The following CACNA2D4 variants were observed in gnomAD, a reference collection of about 807,000 sequenced individuals.
CACNA2D4 encodes the protein calcium voltage-gated channel auxiliary subunit alpha2delta 4.
Under a neutral mutation model 163.8 loss-of-function variants are expected in CACNA2D4, and 157 were observed. The observed-to-expected ratio is 0.96, with a 90% CI of 0.84 to 1.09. The LOEUF is 1.09. Ranked by LOEUF, CACNA2D4 falls within the 50% of genes least tolerant of loss-of-function variation. CACNA2D4 has a pLI of 0.00. For missense variants in CACNA2D4, 1,410 were observed against 1,479.9 expected (o/e 0.95, Z 0.78); for synonymous variants, 598 against 586.9 (o/e 1.02, Z -0.27).
Position 1,797,504 on chromosome 12 carries a change from C to A in CACNA2D4, c.3027G>T (p.Gln1009His), listed in dbSNP as rs1270410998. The change falls in exon 35 of 38, where the codon CAG becomes CAT. Residue 1009 changes from glutamine to histidine, a missense_variant. By Grantham distance (24) the Gln-to-His change is conservative. Coordinates refer to ENST00000382722, the MANE Select transcript of CACNA2D4 (RefSeq NM_172364.5). ...SHKHKKQDPLQPCDTEYPVFV... is the reference protein window; with the variant it reads ...SHKHKKQDPLHPCDTEYPVFV... ...ACACGGGGTACTCCGTGTCGCAGGG[C>A]TGCAGCGGGTCCTGCTTCTTGTGTT... The A allele has an allele frequency of 1.3e-6, 2 of 1,580,730 alleles. No individual in the cohort carries two copies. Among genetic ancestry groups the A allele is most frequent in the Non-Finnish European group, 1.7e-6 (2 of 1,164,994 alleles).
chr12:1,856,291 A>G, intron 20 of CACNA2D4, 62 bp from the exon 21 acceptor site: 9 of 1,578,778 alleles, frequency 5.7e-6, no homozygotes, highest in Non-Finnish European at 7.8e-6. Flanking sequence ...GTGTGTCTCA[A>G]TTGTAGAAAC....
At chr12:1,910,423 T>C (rs1866784225) in intron 3 of CACNA2D4, among the ~76,000 whole-genome samples, 1 of 151,664 alleles carries the variant, frequency 6.6e-6, no homozygotes. Flanking sequence ...GGAGATTCAT[T>C]GATTATACCC....
intron 7 of CACNA2D4, 142 bp downstream of exon 7, chr12:1,886,867 C>A: frequency 1.6e-6 from 1 of 615,270 alleles, no homozygotes; most frequent in Non-Finnish European, 3.0e-6. Flanking sequence ...TCTTCCTGCT[C>A]TTGTGTCGGG....
Position 1,914,913 on chromosome 12 carries a change from A to C in CACNA2D4, c.250T>G (p.Phe84Val). ...ACAGTGTTATACAGGTCCCCGCCGA[A>C]GGTGTCAGCCCATAGCTTCACTCTG... ...LETVKLWADT[F>V]GGDLYNTVTK... The change falls in exon 2 of 38, where the codon TTC (phenylalanine) becomes GTC (valine). Residue 84 changes from phenylalanine (F) to valine (V), a missense_variant. Physicochemically the swap from Phe to Val is conservative, Grantham distance 50. Transcript: ENST00000382722. The C allele has an allele frequency of 6.2e-7, 1 of 1,613,750 alleles. No homozygotes were observed. The highest frequency in any genetic ancestry group is 1.1e-5 in the South Asian group (1 of 91,078).
In CACNA2D4 at chr12:1,914,842, G is replaced by C. The variant is rs762240683; in HGVS notation, c.309+12C>G. On this transcript the variant is annotated intron_variant, in intron 2 of 37. Coordinates refer to ENST00000382722, the MANE Select transcript of CACNA2D4 (RefSeq NM_172364.5). Reference sequence around the variant, plus strand: ...TGCCACCCGGTGGGCTCTCTGGAAGGGGGTGACTGACCTTCTGCAGCAAGA... The same window carrying C: ...TGCCACCCGGTGGGCTCTCTGGAAGCGGGTGACTGACCTTCTGCAGCAAGA... The C allele has an allele frequency of 6.2e-7, 1 of 1,604,164 alleles. No homozygotes were observed. Among genetic ancestry groups the C allele is most frequent in the Non-Finnish European group, 8.5e-7 (1 of 1,170,940 alleles).
chr12:1,916,523 C>A (rs1248150989), intron 1 of CACNA2D4, among the ~76,000 whole-genome samples: 3 of 151,672 alleles, frequency 2.0e-5, no homozygotes, highest in African/African-American at 7.3e-5. Context: ...AGCGTGAGAT[C>A]TCTGAGCGTC....
chr12:1,900,060 A>G (rs917798690), intron 6 of CACNA2D4, among the ~76,000 whole-genome samples: 3 of 152,224 alleles, frequency 2.0e-5, no homozygotes, highest in Non-Finnish European at 4.4e-5. Flanking sequence ...GAAATGCTCA[A>G]CTTCATGAGT....
chr12:1,868,437 G>T (rs899816392), intron 18 of CACNA2D4, among the ~76,000 whole-genome samples: 1 of 151,628 alleles, frequency 6.6e-6, no homozygotes, highest in Non-Finnish European at 1.5e-5. Flanking sequence ...GAAAAATGGT[G>T]GTTACTAGCA....
At position 1,829,071 on chromosome 12, in the gene CACNA2D4, C is replaced by T. The variant is rs1189468647; in HGVS notation, c.2551+11668G>A. The stretch of plus-strand genomic sequence containing the variant: ...CTGGCCCCTGAGTGACTCAGATCTC[C>T]TTTCAGCCTCATTCTAGAATCACTC... On this transcript the variant is annotated intron_variant, in intron 26 of 37. Transcript: ENST00000382722. The surrounding 1 kb of genome is among the most constrained non-coding windows in gnomAD (Gnocchi z 4.2). Among the ~76,000 whole-genome samples the T allele has an allele frequency of 1.3e-5, 2 of 152,220 alleles. No homozygotes were observed. Among genetic ancestry groups the T allele is most frequent in the Non-Finnish European group, 2.9e-5 (2 of 68,046 alleles).
At chr12:1,797,737 G>C (rs968422) in intron 34 of CACNA2D4, 420,615 of 596,614 alleles carry the variant, frequency 0.71, 150,345 homozygotes, top group Non-Finnish European at 0.73. Context: ...AGGGTGGCTT[G>C]GCACGGGGAG....
intron 6 of CACNA2D4, 52 bp downstream of exon 6, chr12:1,907,388 T>A: frequency 6.3e-7 from 1 of 1,588,744 alleles, no homozygotes; most frequent in Non-Finnish European, 8.6e-7. Flanking sequence ...GCCCCTATTA[T>A]TTCCAGAGAA....
rs1866926776 is a variant in CACNA2D4, at chr12:1,914,907, C to T, written c.256G>A (p.Gly86Arg). ...TVKLWADTFG[G>R]DLYNTVTKYS... The stretch of plus-strand genomic sequence containing the variant: ...TTGGTCACAGTGTTATACAGGTCCC[C>T]GCCGAAGGTGTCAGCCCATAGCTTC... The change falls in exon 2 of 38, where the codon GGG becomes AGG. Residue 86 changes from glycine to arginine, a missense_variant. Physicochemically the swap from Gly to Arg is moderately radical, Grantham distance 125 (BLOSUM62 -2). Transcript: ENST00000382722. 4 of 1,613,600 alleles carry T rather than the reference C, an allele frequency of 2.5e-6. No individual in the cohort carries two copies. Among genetic ancestry groups the T allele is most frequent in the Non-Finnish European group, 2.5e-6 (3 of 1,179,714 alleles).
At position 1,799,676 on chromosome 12, in the gene CACNA2D4, G is replaced by A; in HGVS notation, c.2994C>T (p.His998=). ...GATGGCCTCAGCTGGGCTACTTACA[G>A]TGATGGAAGACACTTTTGGCTGGCC... The part of the protein sequence containing the change: ...RGAEAKSVFH[H]SHKHKKQDPL... Residue 998 remains histidine (H), a splice_region_variant and synonymous_variant, in exon 34 of 38, where the codon CAC becomes CAT. Transcript: ENST00000382722. The surrounding 1 kb of genome is among the most constrained non-coding windows in gnomAD (Gnocchi z 4.7). The A allele has an allele frequency of 6.4e-7, 1 of 1,570,968 alleles. No individual in the cohort carries two copies. The highest frequency in any genetic ancestry group is 8.6e-7 in the Non-Finnish European group (1 of 1,158,328).
intron 26 of CACNA2D4, among the ~76,000 whole-genome samples, chr12:1,817,463 TCCCTCTC>T (rs1417343673): frequency 2.6e-5 from 4 of 151,922 alleles, no homozygotes; most frequent in Middle Eastern, 3.4e-3. Flanking sequence ...AGGAGATGAC[TCCCTCTC>T]CCCTCTCCCC....
At chr12:1,866,562 T>C (rs1289834961) in intron 18 of CACNA2D4, among the ~76,000 whole-genome samples, 1 of 152,200 alleles carries the variant, frequency 6.6e-6, no homozygotes, top group Non-Finnish European at 1.5e-5. Context: ...TCTGAAGCAT[T>C]TTTGCTGCTG....
At chr12:1,840,885 C>G (rs1280420220) in intron 25 of CACNA2D4, 66 bp from the exon 26 acceptor site, 2 of 1,377,070 alleles carry the variant, frequency 1.5e-6, no homozygotes, top group Non-Finnish European at 2.1e-6. Context: ...AGCGCTACCA[C>G]TTTCTTGGAA....
chr12:1,812,845 G>T (rs1351995179), intron 26 of CACNA2D4, among the ~76,000 whole-genome samples: 1 of 152,206 alleles, frequency 6.6e-6, no homozygotes, highest in Admixed American at 6.5e-5. Flanking sequence ...TCAGGCTCGG[G>T]TTTCCTCATC....
At chr12:1,800,469 C>T (rs1183570625) in intron 31 of CACNA2D4, 31 bp from the exon 32 acceptor site, 1 of 1,612,528 alleles carries the variant, frequency 6.2e-7, no homozygotes, top group Admixed American at 1.7e-5. Flanking sequence ...ACCGCTCGCA[C>T]CTAGGTCCAA....
At position 1,817,576 on chromosome 12, in the gene CACNA2D4, C is replaced by T. The variant is rs557748309; in HGVS notation, c.2552-5853G>A. On this transcript the variant is annotated intron_variant, in intron 26 of 37. Coordinates refer to ENST00000382722, the MANE Select transcript of CACNA2D4 (RefSeq NM_172364.5). ...CTGCTGCCATCTCGGCTCACTGCAACCTCCCTGCCTGATTCTCCTGCCTCA... is the reference window on the plus strand; with the variant it reads ...CTGCTGCCATCTCGGCTCACTGCAATCTCCCTGCCTGATTCTCCTGCCTCA... Among the ~76,000 whole-genome samples, 16 of 152,376 alleles carry T rather than the reference C, an allele frequency of 1.1e-4. 1 individual carries two copies. In the South Asian group the frequency reaches 3.3e-3, roughly 32 times the overall value.
Sources: gnomAD v4.1 joint callset for allele counts (sites outside exome capture counted in the v4.1 genomes callset) on GRCh38, gnomAD v4.1.1 for gene constraint, Gnocchi (gnomAD v3.1) non-coding constraint, MANE v1.5 for transcripts, NCBI Gene and HGNC (gene_info 2026-07-23, HGNC 2026-07-21) for gene names.